FLG2: variants seen among roughly 807,000 people sequenced by gnomAD.
The protein encoded by FLG2 is filaggrin 2.
In FLG2, 7 loss-of-function variants were observed where a neutral mutation model predicts 3.9. The ratio of observed to expected loss-of-function variants is 1.79; its 90% CI spans 1.02 to 3.36. The LOEUF is 3.36. Among genes scored for constraint, FLG2 ranks in the 30% most tolerant of loss-of-function variants. The pLI is 0.00. For synonymous variants in FLG2, 1,031 were observed against 1,056.1 expected (o/e 0.98, Z 0.46); for missense variants, 2,700 against 2,809.4 (o/e 0.96, Z 0.88).
Position 152,354,555 on chromosome 1 carries a change from G to T in FLG2, c.3231C>A (p.Gly1077=). Residue 1077 remains glycine, a synonymous_variant, in exon 3 of 3, where the codon GGC becomes GGA. Coordinates refer to ENST00000388718, the MANE Select transcript of FLG2 (RefSeq NM_001014342.3). The part of the protein sequence containing the change: ...YESRSRQSSY[G]QHGSGSSQSS... ...ATTGACTTGAGCCAGAACCATGTTG[G>T]CCATAGCTAGACTGACGTGATCTAG... The T allele has an allele frequency of 6.2e-7, 1 of 1,613,838 alleles. No individual in the cohort carries two copies. The highest frequency in any genetic ancestry group is 1.3e-5 in the African/African-American group (1 of 74,910).
At position 152,351,849 on chromosome 1, in the gene FLG2, A is replaced by G. The variant is rs138683630; in HGVS notation, c.5937T>C (p.Ala1979=). Reference sequence around the variant, plus strand: ...ATCCTGACTCTGGATAGTGAGATCCAGCTTGACCGTGAGTGTGTCCTGAAT... The same window carrying G: ...ATCCTGACTCTGGATAGTGAGATCCGGCTTGACCGTGAGTGTGTCCTGAAT... ...HTHSGHTHGQ[A]GSHYPESGSS... The change falls in exon 3 of 3, where the codon GCT becomes GCC. Residue 1979 remains alanine (A), a synonymous_variant. Coordinates refer to ENST00000388718, the MANE Select transcript of FLG2 (RefSeq NM_001014342.3). 423 of 1,579,656 alleles carry G rather than the reference A, an allele frequency of 2.7e-4. 9 individuals carry two copies. The African/African-American group carries it at 5.5e-3, about 21-fold the overall frequency.
rs1200913321 is a variant in FLG2, at chr1:152,354,380, C to T, written c.3406G>A (p.Gly1136Ser). 3 of 1,614,122 alleles carry T rather than the reference C, an allele frequency of 1.9e-6. No homozygotes were observed. The highest frequency in any genetic ancestry group is 1.7e-5 in the Admixed American group (1 of 60,020). Residue 1136 changes from glycine (G) to serine (S), a missense_variant, in exon 3 of 3, where the codon GGT becomes AGT. By Grantham distance (56) the Gly-to-Ser change is moderately conservative. Transcript: ENST00000388718. ...TGCTGTGCAAAGCCAGAGGATTTAC[C>T]TGTGCCTGACCCATGTTGTCCAAAG... ...SGFGQHGSGT[G>S]KSSGFAQHEY...
Position 152,351,483 on chromosome 1 carries a change from C to G in FLG2, c.6303G>C (p.Arg2101Ser), listed in dbSNP as rs779984365. ...CACTGGACTCACTGTGGCCAGATCCCCTTCTTCCAGCTGTCCTTGACCCTC... is the reference window on the plus strand; with the variant it reads ...CACTGGACTCACTGTGGCCAGATCCGCTTCTTCCAGCTGTCCTTGACCCTC... ...TQRGSRTAGR[R>S]GSGHSESSDS... is the part of the protein sequence containing the mutation. The change falls in exon 3 of 3, where the codon AGG becomes AGC. Residue 2101 changes from arginine (R) to serine (S), a missense_variant. Coordinates refer to ENST00000388718, the MANE Select transcript of FLG2 (RefSeq NM_001014342.3). The G allele has an allele frequency of 1.2e-6, 2 of 1,610,172 alleles. No individual in the cohort carries two copies. The highest frequency in any genetic ancestry group is 2.2e-5 in the South Asian group (2 of 90,880).
Position 152,353,437 on chromosome 1 carries a change from G to A in FLG2, c.4349C>T (p.Ala1450Val), listed in dbSNP as rs1654050317. The A allele has an allele frequency of 4.3e-6, 7 of 1,612,498 alleles. No homozygotes were observed. In the East Asian group the frequency reaches 8.9e-5, roughly 21 times the overall value. The change falls in exon 3 of 3, where the codon GCC becomes GTC. Residue 1450 changes from alanine to valine, a missense_variant. Physicochemically the swap from Ala to Val is moderately conservative, Grantham distance 64. Coordinates refer to ENST00000388718, the MANE Select transcript of FLG2 (RefSeq NM_001014342.3). ...PQSQEQTHGQ[A>V]GSQHGESGST... The stretch of plus-strand genomic sequence containing the variant: ...TCCTGACTCTCCATGTTGAGATCCG[G>A]CTTGGCCATGAGTTTGTTCTTGTGA...
rs146595181 is a variant in FLG2, at chr1:152,356,734, C to G, written c.1052G>C (p.Ser351Thr). The G allele has an allele frequency of 6.2e-7, 1 of 1,614,084 alleles. No homozygotes were observed. The highest frequency in any genetic ancestry group is 8.5e-7 in the Non-Finnish European group (1 of 1,180,054). Residue 351 changes from serine to threonine, a missense_variant, in exon 3 of 3, where the codon AGT becomes ACT. Transcript: ENST00000388718. ...PESNPCSQSY[S>T]QRGYGARENG... The stretch of plus-strand genomic sequence containing the variant: ...TTCTCTAGCTCCATATCCTCTCTGA[C>G]TATAGGACTGACTACAGGGGTTAGA...
rs1231687226 is a variant in FLG2 at position 152,353,809 on chromosome 1, T to C, written c.3977A>G (p.His1326Arg). The change falls in exon 3 of 3, where the codon CAT becomes CGT. Residue 1326 changes from histidine to arginine, a missense_variant. His to Arg is a conservative substitution (Grantham distance 29). Coordinates refer to ENST00000388718, the MANE Select transcript of FLG2 (RefSeq NM_001014342.3). ...GQRGDTTRHG[H>R]SGHGQSTQTG... ...CTGTGTAGACTGTCCATGACCAGAA[T>C]GGCCATGTCTAGTGGTATCTCCTCT... The C allele has an allele frequency of 1.2e-6, 2 of 1,614,112 alleles. No individual in the cohort carries two copies. The highest frequency in any genetic ancestry group is 1.7e-6 in the Non-Finnish European group (2 of 1,179,972).
rs760239997 is a variant in FLG2, at chr1:152,355,388, C to G, written c.2398G>C (p.Gly800Arg). The change falls in exon 3 of 3, where the codon GGC becomes CGC. Residue 800 changes from glycine (G) to arginine (R), a missense_variant. Coordinates refer to ENST00000388718, the MANE Select transcript of FLG2 (RefSeq NM_001014342.3). ...QTSGFGQHGS[G>R]SSQSTGFGQY... ...CCAAAGCCAGTGGATTGACTTGAGCCTGACCCATGTTGTCCAAAGCCAGAT... is the reference window on the plus strand; with the variant it reads ...CCAAAGCCAGTGGATTGACTTGAGCGTGACCCATGTTGTCCAAAGCCAGAT... 2.5e-6 allele frequency: 4 copies of G among 1,609,768 alleles called. No individual in the cohort carries two copies. Among genetic ancestry groups the G allele is most frequent in the Non-Finnish European group, 3.4e-6 (4 of 1,178,988 alleles).
rs1461206768 is a variant in FLG2, at chr1:152,355,989, G to A, written c.1797C>T (p.Gly599=). The part of the protein sequence containing the change: ...QSSGFGQHGS[G]SGQSSGFGQH... Reference sequence around the variant, plus strand: ...GTCCAAAGCCAGAGGATTGTCCTGAGCCAGACCCATGTTGTCCAAAGCCAG... The same window carrying A: ...GTCCAAAGCCAGAGGATTGTCCTGAACCAGACCCATGTTGTCCAAAGCCAG... Residue 599 remains glycine, a synonymous_variant, in exon 3 of 3, where the codon GGC becomes GGT. Coordinates refer to ENST00000388718, the MANE Select transcript of FLG2 (RefSeq NM_001014342.3). 1 of 1,613,038 alleles carries A rather than the reference G, an allele frequency of 6.2e-7. No homozygotes were observed. The highest frequency in any genetic ancestry group is 8.5e-7 in the Non-Finnish European group (1 of 1,179,820).
At chr1:152,359,358 G>A (rs1396303243) in intron 1 of FLG2, among the ~76,000 whole-genome samples, 1 of 152,104 alleles carries the variant, frequency 6.6e-6, no homozygotes, top group Admixed American at 6.6e-5. Flanking sequence ...TATCCTCTGG[G>A]CACCAGAAGC....
Position 152,353,548 on chromosome 1 carries a change from C to A in FLG2, c.4238G>T (p.Gly1413Val), listed in dbSNP as rs758806243. The A allele has an allele frequency of 6.2e-7, 1 of 1,613,926 alleles. No homozygotes were observed. The highest frequency in any genetic ancestry group is 8.5e-7 in the Non-Finnish European group (1 of 1,180,002). The change falls in exon 3 of 3, where the codon GGG (glycine) becomes GTG (valine). Residue 1413 changes from glycine (G) to valine (V), a missense_variant. Transcript: ENST00000388718. ...TCCCCTTCTTCCAGTTGTCCTGGAC[C>A]CTCTCTGTGTGGACTGTCCATGACC... ...HSGHGQSTQR[G>V]SRTTGRRGSG...
At position 152,352,110 on chromosome 1, in the gene FLG2, G is replaced by C; in HGVS notation, c.5676C>G (p.Gly1892=). The change falls in exon 3 of 3, where the codon GGC becomes GGG. Residue 1892 remains glycine (G), a synonymous_variant. Transcript: ENST00000388718. ...GTGTGTGTCCTGAATGTGTATGTGAGCCCCCTGAGTGCACTTCACTGTCAC... is the reference window on the plus strand; with the variant it reads ...GTGTGTGTCCTGAATGTGTATGTGACCCCCCTGAGTGCACTTCACTGTCAC... The part of the protein sequence containing the change: ...ESSDSEVHSG[G]SHTHSGHTHS... 6.2e-7 allele frequency: 1 copy of C among 1,613,282 alleles called. No individual in the cohort carries two copies. Among genetic ancestry groups the C allele is most frequent in the Non-Finnish European group, 8.5e-7 (1 of 1,179,828 alleles).
In FLG2 at chr1:152,350,329, C is replaced by G. The variant is rs1425170576; in HGVS notation, c.*281G>C. ...ATGGCCATGAACTGATATGGATTGT[C>G]CATGGCCAAATCCAAGGTGGTCATT... On this transcript the variant is annotated 3_prime_UTR_variant, in exon 3 of 3. Coordinates refer to ENST00000388718, the MANE Select transcript of FLG2 (RefSeq NM_001014342.3). The G allele has an allele frequency of 2.2e-6, 1 of 464,070 alleles. No individual in the cohort carries two copies. Among genetic ancestry groups the G allele is most frequent in the Non-Finnish European group, 3.9e-6 (1 of 258,922 alleles). 28.7% of individuals were successfully genotyped at this position (464,070 alleles called of 1,614,324 possible).
At position 152,351,874 on chromosome 1, in the gene FLG2, T is replaced by G; in HGVS notation, c.5912A>C (p.His1971Pro). The G allele has an allele frequency of 6.2e-7, 1 of 1,613,428 alleles. No individual in the cohort carries two copies. Among genetic ancestry groups the G allele is most frequent in the East Asian group, 2.2e-5 (1 of 44,822 alleles). Reference protein sequence around the residue: ...SEGPSGVSHTHSGHTHGQAGS... With the variant: ...SEGPSGVSHTPSGHTHGQAGS... ...AGCTTGACCGTGAGTGTGTCCTGAA[T>G]GTGTGTGTGAGACCCCTGAGGGCCC... The change falls in exon 3 of 3, where the codon CAT becomes CCT. Residue 1971 changes from histidine to proline, a missense_variant. By Grantham distance (77) the His-to-Pro change is moderately conservative (BLOSUM62 -2). Coordinates refer to ENST00000388718, the MANE Select transcript of FLG2 (RefSeq NM_001014342.3).
Position 152,353,984 on chromosome 1 carries a change from G to A in FLG2, c.3802C>T (p.Arg1268Ter), listed in dbSNP as rs374835256. ...CTGTTCTCACTTTGGCTAGATCTTC[G>A]TCTTCTAGTTACCCTGGACCCTGTC... ...TQTGSRVTRRRRSSQSENSDS... is the reference protein window; with the variant it reads ...TQTGSRVTRR Residue 1268 changes from arginine to a stop codon, truncating the protein, a stop_gained, in exon 3 of 3, where the codon CGA (arginine) becomes TGA (stop). Coordinates refer to ENST00000388718, the MANE Select transcript of FLG2 (RefSeq NM_001014342.3). LOFTEE classifies it low-confidence loss of function (END_TRUNC). The A allele has an allele frequency of 5.1e-5, 82 of 1,614,118 alleles. No individual in the cohort carries two copies. Among genetic ancestry groups the A allele is most frequent in the Middle Eastern group, 1.6e-4 (1 of 6,062 alleles).
chr1:152,354,271 C>T lies in FLG2; in HGVS notation c.3515G>A (p.Gly1172Asp). 6.2e-7 allele frequency: 1 copy of T among 1,613,948 alleles called. No individual in the cohort carries two copies. The highest frequency in any genetic ancestry group is 8.5e-7 in the Non-Finnish European group (1 of 1,179,896). Residue 1172 changes from glycine (G) to aspartate (D), a missense_variant, in exon 3 of 3, where the codon GGC becomes GAC. Transcript: ENST00000388718. ...TCCAAAACTTGTGGTTGGACCTGAG[C>T]CAGACTCATGTTGGCCACAGCCAGA... Reference protein sequence around the residue: ...QSSGCGQHESGSGPTTSFGQH... With the variant: ...QSSGCGQHESDSGPTTSFGQH...
rs910477677 is a variant in FLG2, at chr1:152,356,112, T to C, written c.1674A>G (p.Gln558=). 3 of 1,612,280 alleles carry C rather than the reference T, an allele frequency of 1.9e-6. No individual in the cohort carries two copies. The highest frequency in any genetic ancestry group is 1.7e-5 in the Admixed American group (1 of 59,862). ...AGCCAGATGTCTCTCTAGACCCATA[T>C]TGGCCATAGCCAGATGATTGACTTG... ...SGSSQSSGYG[Q]YGSRETSGFG... Residue 558 remains glutamine (Q), a synonymous_variant, in exon 3 of 3, where the codon CAA becomes CAG. Transcript: ENST00000388718.
rs984939450 is a variant in FLG2 at position 152,350,865 on chromosome 1, A to G, written c.6921T>C (p.His2307=). Residue 2307 remains histidine (H), a synonymous_variant, in exon 3 of 3, where the codon CAT becomes CAC. Transcript: ENST00000388718. ...TGGATTGTCCATAACCAGAATGGCCATGTCTAGTGGTATCTCCTGTCTGTC... is the reference window on the plus strand; with the variant it reads ...TGGATTGTCCATAACCAGAATGGCCGTGTCTAGTGGTATCTCCTGTCTGTC... ...THGQTGDTTR[H]GHSGYGQSTQ... is the part of the protein sequence containing the mutation. 1.9e-6 allele frequency: 3 copies of G among 1,614,118 alleles called. No individual in the cohort carries two copies. In the South Asian group the frequency reaches 3.3e-5, roughly 18 times the overall value.
Position 152,354,856 on chromosome 1 carries a change from T to G in FLG2, c.2930A>C (p.His977Pro), listed in dbSNP as rs779921562. 1.9e-6 allele frequency: 3 copies of G among 1,613,776 alleles called. No individual in the cohort carries two copies. The South Asian group carries it at 3.3e-5, about 18-fold the overall frequency. The change falls in exon 3 of 3, where the codon CAT (histidine) becomes CCT (proline). Residue 977 changes from histidine (H) to proline (P), a missense_variant. Transcript: ENST00000388718. ...GSGQSSGFGQ[H>P]ESGSGKSSGF... ...AGAGGATTTTCCTGAGCCTGACTCATGTTGTCCAAAGCCAGAGGACTGACC... is the reference window on the plus strand; with the variant it reads ...AGAGGATTTTCCTGAGCCTGACTCAGGTTGTCCAAAGCCAGAGGACTGACC...
chr1:152,355,307 A>C lies in FLG2; in HGVS notation c.2479T>G (p.Ser827Ala). The C allele has an allele frequency of 6.2e-7, 1 of 1,613,894 alleles. No individual in the cohort carries two copies. Among genetic ancestry groups the C allele is most frequent in the African/African-American group, 1.3e-5 (1 of 74,972 alleles). Residue 827 changes from serine (S) to alanine (A), a missense_variant, in exon 3 of 3, where the codon TCA (serine) becomes GCA (alanine). Ser to Ala is a moderately conservative substitution (Grantham distance 99). Coordinates refer to ENST00000388718, the MANE Select transcript of FLG2 (RefSeq NM_001014342.3). ...SAGFGQHGSG[S>A]GQSSGFGQHE... is the part of the protein sequence containing the mutation. ...TGTCCAAAGCCAGAGGATTGTCCTG[A>C]GCCAGACCCATGTTGTCCAAAGCCA... is the stretch of plus-strand genomic sequence containing the variant.
Sources: allele counts gnomAD v4.1 joint callset (sites outside exome capture counted in the v4.1 genomes callset), GRCh38; gene constraint gnomAD v4.1.1; transcripts MANE v1.5; gene names NCBI Gene and HGNC (gene_info 2026-07-23, HGNC 2026-07-21).